Variants in FOXK1 observed in about 807,000 individuals in gnomAD.
FOXK1 encodes forkhead box protein K1.
In FOXK1, 19 loss-of-function variants were observed where a neutral mutation model predicts 51.9. The ratio of observed to expected loss-of-function variants is 0.37; its 90% confidence interval spans 0.26 to 0.54. The LOEUF is 0.54. Among genes scored for constraint, FOXK1 ranks in the 20% least tolerant of loss-of-function variants. FOXK1 has a pLI of 0.87. For synonymous variants in FOXK1, 537 were observed against 482.6 expected (o/e 1.11, Z -1.48); for missense variants, 870 against 1,032.7 (o/e 0.84, Z 2.16).
intron 1 of FOXK1, among the ~76,000 whole-genome samples, chr7:4,720,994 C>T (rs1277500831): frequency 2.0e-5 from 3 of 152,000 alleles, no homozygotes; most frequent in African/African-American, 4.8e-5. Context: ...CCGCCCACCT[C>T]GGCCTCCCAA....
In FOXK1 at chr7:4,730,571, C is replaced by T. The variant is rs955058780; in HGVS notation, c.561-10267C>T. On this transcript the variant is annotated intron_variant, in intron 1 of 8. Transcript: ENST00000328914. The surrounding 1 kb of genome is among the most constrained non-coding windows in gnomAD (Gnocchi z 4.7). ...GCTGTCAGGGACCTTGCCGACCCAGCCCCCGCCCCGCCTTCAAGTTTGTGC... is the reference window on the plus strand; with the variant it reads ...GCTGTCAGGGACCTTGCCGACCCAGTCCCCGCCCCGCCTTCAAGTTTGTGC... 6.6e-6 allele frequency among the ~76,000 whole-genome samples: 1 copy of T among 152,168 alleles called. No homozygotes were observed. The highest frequency in any genetic ancestry group is 6.5e-5 in the Admixed American group (1 of 15,282).
In FOXK1 at chr7:4,709,075, A is replaced by G. The variant is rs536046198; in HGVS notation, c.560+26207A>G. Among the ~76,000 whole-genome samples the G allele has an allele frequency of 1.1e-3, 166 of 151,696 alleles. 2 individuals are homozygous for G. The highest frequency in any genetic ancestry group is 3.7e-3 in the African/African-American group (154 of 41,394). ...CGAGACTCTGTCTCAAAAAAAAAAAAAAAAGAAAAGAAAAGAAAAAGAAAA... is the reference window on the plus strand; with the variant it reads ...CGAGACTCTGTCTCAAAAAAAAAAAGAAAAGAAAAGAAAAGAAAAAGAAAA... On this transcript the variant is annotated intron_variant, in intron 1 of 8. Transcript: ENST00000328914. The surrounding 1 kb of genome is among the most constrained non-coding windows in gnomAD (Gnocchi z 5.6).
chr7:4,765,932 C>A lies in FOXK1; in HGVS notation c.*3468C>A, dbSNP rs984578135. The A allele has an allele frequency of 1.7e-4, 26 of 152,342 alleles. No homozygotes were observed. The highest frequency in any genetic ancestry group is 5.8e-4 in the African/African-American group (24 of 41,560). The allele number at this position is 152,342 out of a possible 1,614,324, so 9.4% of individuals were successfully genotyped here. ...TGCTAGGGCAGCAGCTGGCTCAGGG[C>A]ACACTCTCTCGTGCCAGCTTCTGCC... On this transcript the variant is annotated 3_prime_UTR_variant, in exon 9 of 9. Transcript: ENST00000328914.
chr7:4,693,201 A>T (rs1272110220), intron 1 of FOXK1, among the ~76,000 whole-genome samples: 4 of 152,220 alleles, frequency 2.6e-5, no homozygotes, highest in Non-Finnish European at 2.9e-5. Flanking sequence ...TAATTATAAA[A>T]AACAAAGTCT....
chr7:4,689,925 G>C (rs1779871086), intron 1 of FOXK1, among the ~76,000 whole-genome samples: 1 of 152,188 alleles, frequency 6.6e-6, no homozygotes, highest in Non-Finnish European at 1.5e-5. Context: ...CGTATGTGCT[G>C]AGCTGGGCTT....
At chr7:4,685,525 CTTTT>C (rs79117434) in intron 1 of FOXK1, among the ~76,000 whole-genome samples, 1 of 134,900 alleles carries the variant, frequency 7.4e-6, no homozygotes, top group Non-Finnish European at 1.6e-5. Context: ...CCCGGCCTCA[CTTTT>C]TTTTTTTTTT....
chr7:4,757,024 C>T lies in FOXK1; in HGVS notation c.1081C>T (p.Arg361Cys), dbSNP rs1780861857. The change falls in exon 5 of 9, where the codon CGT becomes TGT. Residue 361 changes from arginine (R) to cysteine (C), a missense_variant. This residue lies in a region of FOXK1 where 14 missense variants were observed against 46.3 expected (regional missense o/e 0.30). Transcript: ENST00000328914. ...NSIRHNLSLN[R>C]YFIKVPRSQE... Reference sequence around the variant, plus strand: ...TATCCGGCACAACCTCTCTTTGAACCGTTACTTTATCAAAGTCCCACGTTC... The same window carrying T: ...TATCCGGCACAACCTCTCTTTGAACTGTTACTTTATCAAAGTCCCACGTTC... 6.2e-7 allele frequency: 1 copy of T among 1,613,804 alleles called. No homozygotes were observed. The highest frequency in any genetic ancestry group is 8.5e-7 in the Non-Finnish European group (1 of 1,179,974).
chr7:4,684,672 C>A (rs929298304), intron 1 of FOXK1, among the ~76,000 whole-genome samples: 1 of 152,166 alleles, frequency 6.6e-6, no homozygotes, highest in African/African-American at 2.4e-5. Context: ...CCCAGGCCCC[C>A]CTTAGAGGCC....
chr7:4,700,473 A>C (rs1326175330), intron 1 of FOXK1, among the ~76,000 whole-genome samples: 1 of 152,156 alleles, frequency 6.6e-6, no homozygotes, highest in Non-Finnish European at 1.5e-5. Context: ...TTCCTTTTTC[A>C]TAAGTAATTG....
intron 1 of FOXK1, among the ~76,000 whole-genome samples, chr7:4,726,015 CTTTT>C (rs397728478): frequency 3.4e-5 from 5 of 147,954 alleles, no homozygotes; most frequent in African/African-American, 9.9e-5. Flanking sequence ...ACAAACAGAA[CTTTT>C]TTTTTTTTTA....
At chr7:4,689,738 A>T (rs1221492495) in intron 1 of FOXK1, among the ~76,000 whole-genome samples, 1 of 152,226 alleles carries the variant, frequency 6.6e-6, no homozygotes, top group Non-Finnish European at 1.5e-5. Flanking sequence ...TTATCTTGAA[A>T]TTAATGGGAA....
At position 4,745,850 on chromosome 7, in the gene FOXK1, A is replaced by G. The variant is rs1780695825; in HGVS notation, c.746+4827A>G. 6.6e-6 allele frequency among the ~76,000 whole-genome samples: 1 copy of G among 151,676 alleles called. No individual in the cohort carries two copies. The highest frequency in any genetic ancestry group is 2.4e-5 in the African/African-American group (1 of 41,310). ...GGTTGCAGTGAACCAAGATTGCACCACTCCAGACTGGGCGGCAGAGCGAGA... is the reference window on the plus strand; with the variant it reads ...GGTTGCAGTGAACCAAGATTGCACCGCTCCAGACTGGGCGGCAGAGCGAGA... On this transcript the variant is annotated intron_variant, in intron 2 of 8. Coordinates refer to ENST00000328914, the MANE Select transcript of FOXK1 (RefSeq NM_001037165.2). This position sits in a 1 kb window ranked among gnomAD's most constrained non-coding sequence, Gnocchi z 4.3.
Position 4,747,676 on chromosome 7 carries a change from C to G in FOXK1, c.746+6653C>G, listed in dbSNP as rs1245320556. Among the ~76,000 whole-genome samples, 1 of 151,204 alleles carries G rather than the reference C, an allele frequency of 6.6e-6. No individual in the cohort carries two copies. The highest frequency in any genetic ancestry group is 1.5e-5 in the Non-Finnish European group (1 of 67,792). The stretch of plus-strand genomic sequence containing the variant: ...GCAGCCTCCTGAGTAGCTAGGACTA[C>G]AGGCACCCACCACCACACACACCCA... On this transcript the variant is annotated intron_variant, in intron 2 of 8. Transcript: ENST00000328914. This position sits in a 1 kb window ranked among gnomAD's most constrained non-coding sequence, Gnocchi z 9.2.
chr7:4,753,085 C>T lies in FOXK1; in HGVS notation c.747-1374C>T, dbSNP rs1370455737. Among the ~76,000 whole-genome samples the T allele has an allele frequency of 1.3e-5, 2 of 152,174 alleles. No homozygotes were observed. Among genetic ancestry groups the T allele is most frequent in the African/African-American group, 2.4e-5 (1 of 41,434 alleles). On this transcript the variant is annotated intron_variant, in intron 2 of 8. Transcript: ENST00000328914. The surrounding 1 kb of genome is among the most constrained non-coding windows in gnomAD (Gnocchi z 4.9). The stretch of plus-strand genomic sequence containing the variant: ...CTATCTCTGCCATATTTGGGGAGTC[C>T]GTTGTAAGAGAGAATGGGAATTCCA...
At position 4,731,791 on chromosome 7, in the gene FOXK1, C is replaced by A. The variant is rs113437407; in HGVS notation, c.561-9047C>A. On this transcript the variant is annotated intron_variant, in intron 1 of 8. Transcript: ENST00000328914. The surrounding 1 kb of genome is among the most constrained non-coding windows in gnomAD (Gnocchi z 5.3). ...AAAAAAAAAAAAGAAAACAGAGAGG[C>A]CTGCTTATAACACCATCCTTATCCT... 6.6e-6 allele frequency among the ~76,000 whole-genome samples: 1 copy of A among 151,736 alleles called. No individual in the cohort carries two copies. The highest frequency in any genetic ancestry group is 2.1e-4 in the South Asian group (1 of 4,818).
intron 1 of FOXK1, among the ~76,000 whole-genome samples, chr7:4,684,726 C>T (rs373758932): frequency 1.1e-4 from 16 of 152,274 alleles, no homozygotes; most frequent in Middle Eastern, 6.8e-3. Context: ...TCACTAAGTA[C>T]TTCCATTAAA....
chr7:4,743,720 G>T lies in FOXK1; in HGVS notation c.746+2697G>T, dbSNP rs939052391. On this transcript the variant is annotated intron_variant, in intron 2 of 8. Transcript: ENST00000328914. This position sits in a 1 kb window ranked among gnomAD's most constrained non-coding sequence, Gnocchi z 5.3. ...GTGGAAGCTCACACCAGAAGAGGCT[G>T]GTCCTGCTGCTTTTGGGGCGGGTAG... 6.6e-6 allele frequency among the ~76,000 whole-genome samples: 1 copy of T among 152,184 alleles called. No homozygotes were observed. The highest frequency in any genetic ancestry group is 1.9e-4 in the East Asian group (1 of 5,190).
At chr7:4,713,248 C>T (rs1252137100) in intron 1 of FOXK1, among the ~76,000 whole-genome samples, 1 of 152,180 alleles carries the variant, frequency 6.6e-6, no homozygotes, top group Non-Finnish European at 1.5e-5. Flanking sequence ...TATTTCTTTT[C>T]TGTACTGATC....
chr7:4,750,445 C>A (rs117014525), intron 2 of FOXK1, among the ~76,000 whole-genome samples: 1 of 142,662 alleles, frequency 7.0e-6, no homozygotes, highest in South Asian at 2.2e-4. Flanking sequence ...GTTTTCAGCA[C>A]TTTTTTTTTT....
Sources: allele counts gnomAD v4.1 joint callset (sites outside exome capture counted in the v4.1 genomes callset), GRCh38; gene constraint gnomAD v4.1.1; regional missense constraint gnomAD v4.1.1; non-coding constraint Gnocchi (gnomAD v3.1); transcripts MANE v1.5; gene names NCBI Gene and HGNC (gene_info 2026-07-23, HGNC 2026-07-21).